The following PER3 variants were observed in gnomAD, a reference collection of about 807,000 sequenced individuals.
PER3 encodes period circadian regulator 3.
PER3 carries 107 observed loss-of-function variants against 127.2 expected under a neutral mutation model. The ratio of observed to expected loss-of-function variants is 0.84; its 90% CI spans 0.72 to 0.99. PER3 has a LOEUF of 0.99. PER3 is among the 50% of genes least tolerant of loss of function. PER3 has a pLI of 0.00. For missense variants in PER3, 1,560 were observed against 1,525.8 expected (o/e 1.02, Z -0.37); for synonymous variants, 618 against 585.8 (o/e 1.05, Z -0.79).
intron 20 of PER3, among the ~76,000 whole-genome samples, chr1:7,836,413 A>G (rs1035995411): frequency 1.3e-5 from 2 of 152,214 alleles, no homozygotes; most frequent in African/African-American, 2.4e-5. Context: ...TCCTGGCCTC[A>G]GGTGATCTGC....
Position 7,824,512 on chromosome 1 carries a change from T to C in PER3, c.1958-1968T>C, listed in dbSNP as rs182112659. Among the ~76,000 whole-genome samples, 45 of 152,298 alleles carry C rather than the reference T, an allele frequency of 3.0e-4. No individual in the cohort carries two copies. In the Middle Eastern group the frequency reaches 0.01, roughly 35 times the overall value. On this transcript the variant is annotated intron_variant, in intron 16 of 21. Transcript: ENST00000377532. ...ATAAACTGTAGACTCAGTTTCTCGG[T>C]GCCTTTTTTCCTTATTATGGGGTTG... is the stretch of plus-strand genomic sequence containing the variant.
intron 16 of PER3, among the ~76,000 whole-genome samples, chr1:7,824,299 G>T (rs530691185): frequency 1.4e-4 from 21 of 152,268 alleles, no homozygotes; most frequent in African/African-American, 4.8e-4. Context: ...ATAGAAAACA[G>T]ACAATAGAGA....
At chr1:7,793,251 A>C (rs2097130030) in intron 5 of PER3, among the ~76,000 whole-genome samples, 1 of 152,242 alleles carries the variant, frequency 6.6e-6, no homozygotes, top group South Asian at 2.1e-4. Context: ...GTCAACAAAC[A>C]CTGGGCAGAA....
intron 13 of PER3, among the ~76,000 whole-genome samples, chr1:7,811,952 G>A (rs2097220902): frequency 6.6e-6 from 1 of 151,936 alleles, no homozygotes; most frequent in Non-Finnish European, 1.5e-5. Flanking sequence ...TTTTTTTATT[G>A]TCCCTTGAAA....
At chr1:7,833,574 G>A (rs2097343107) in intron 19 of PER3, among the ~76,000 whole-genome samples, 1 of 152,076 alleles carries the variant, frequency 6.6e-6, no homozygotes, top group South Asian at 2.1e-4. Flanking sequence ...TTTGGTTAGT[G>A]TTTACATGGT....
chr1:7,810,343 T>G (rs2097213873), intron 12 of PER3, 95 bp from the exon 13 acceptor site: 1 of 929,612 alleles, frequency 1.1e-6, no homozygotes, highest in Non-Finnish European at 1.6e-6. Flanking sequence ...CATTATATCT[T>G]CAAAGAAACA....
At chr1:7,822,249 T>TA (rs1261212797) in intron 16 of PER3, among the ~76,000 whole-genome samples, 7 of 126,964 alleles carry the variant, frequency 5.5e-5, no homozygotes, top group Admixed American at 2.9e-4. Flanking sequence ...ACAAAAAATT[T>TA]AAAAAAAAAT....
intron 10 of PER3, among the ~76,000 whole-genome samples, chr1:7,805,451 C>G (rs1271499216): frequency 1.3e-5 from 2 of 152,176 alleles, no homozygotes; most frequent in Non-Finnish European, 2.9e-5. Flanking sequence ...TTACCTCTTT[C>G]TACTCCAGGG....
intron 7 of PER3, 93 bp from the exon 8 acceptor site, chr1:7,801,020 T>G: frequency 2.6e-6 from 2 of 776,268 alleles, no homozygotes; most frequent in Non-Finnish European, 4.4e-6. Flanking sequence ...TTCATATAGA[T>G]TTTGTTCTCT....
chr1:7,813,233 A>G (rs1401731019), intron 13 of PER3, among the ~76,000 whole-genome samples: 2 of 152,192 alleles, frequency 1.3e-5, no homozygotes, highest in African/African-American at 4.8e-5. Context: ...GGGTGATGGA[A>G]TGTCTGAGTG....
At chr1:7,824,372 G>C (rs945138123) in intron 16 of PER3, among the ~76,000 whole-genome samples, 1 of 152,176 alleles carries the variant, frequency 6.6e-6, no homozygotes, top group Non-Finnish European at 1.5e-5. Flanking sequence ...CCTTATACCA[G>C]TACAGAGTGG....
chr1:7,820,519 G>A lies in PER3; in HGVS notation c.1836G>A (p.Arg612=), dbSNP rs780727208. 6.2e-7 allele frequency: 1 copy of A among 1,614,022 alleles called. No individual in the cohort carries two copies. The highest frequency in any genetic ancestry group is 1.1e-5 in the South Asian group (1 of 91,070). ...AATCAGAAATGCCAACAAATGGACG[G>A]TCCATAGACACAGGAGGAGGAGCTC... is the stretch of plus-strand genomic sequence containing the variant. ...IPKSEMPTNG[R]SIDTGGGAPQ... Residue 612 remains arginine (R), a synonymous_variant, in exon 16 of 22, where the codon CGG becomes CGA. Coordinates refer to ENST00000377532, the MANE Select transcript of PER3 (RefSeq NM_001377275.1).
At chr1:7,823,169 G>A (rs989910978) in intron 16 of PER3, among the ~76,000 whole-genome samples, 2 of 152,190 alleles carry the variant, frequency 1.3e-5, no homozygotes, top group African/African-American at 4.8e-5. Flanking sequence ...ATTCACAAAT[G>A]GATTGAAAGT....
intron 16 of PER3, among the ~76,000 whole-genome samples, chr1:7,825,297 C>T (rs2097296334): frequency 6.6e-6 from 1 of 152,120 alleles, no homozygotes; most frequent in Non-Finnish European, 1.5e-5. Context: ...AAAATAGATA[C>T]AACTATTCTA....
intron 5 of PER3, 62 bp from the exon 6 acceptor site, chr1:7,793,895 A>AT: frequency 7.3e-7 from 1 of 1,368,452 alleles, no homozygotes; most frequent in Non-Finnish European, 1.0e-6. Flanking sequence ...ATGGTGCAAC[A>AT]TTGTTTCACT....
Position 7,808,763 on chromosome 1 carries a change from T to C in PER3, c.1137-130T>C, listed in dbSNP as rs1005412412. ...TACCTTCATGAATAGAATTCTAGCC[T>C]CATATTTTTTCTTTGGAGTCAAAGA... On this transcript the variant is annotated intron_variant, in intron 10 of 21. Transcript: ENST00000377532. The C allele has an allele frequency of 4.9e-5, 32 of 647,982 alleles. No individual in the cohort carries two copies. The East Asian group carries it at 5.3e-4, about 11-fold the overall frequency. The allele number at this position is 647,982 out of a possible 1,614,324, so 40.1% of individuals were successfully genotyped here.
chr1:7,824,256 G>A (rs2097291174), intron 16 of PER3, among the ~76,000 whole-genome samples: 1 of 151,972 alleles, frequency 6.6e-6, no homozygotes, highest in Non-Finnish European at 1.5e-5. Context: ...TAGAATGAAG[G>A]AAATAATAAA....
intron 6 of PER3, among the ~76,000 whole-genome samples, chr1:7,796,705 G>A (rs950190175): frequency 6.6e-6 from 1 of 152,164 alleles, no homozygotes; most frequent in African/African-American, 2.4e-5. Flanking sequence ...AGGGCAGTTA[G>A]AGGCTGTTAC....
intron 21 of PER3, among the ~76,000 whole-genome samples, chr1:7,840,208 G>C (rs1345959943): frequency 6.6e-6 from 1 of 151,642 alleles, no homozygotes; most frequent in Non-Finnish European, 1.5e-5. Context: ...TTTTATTTAT[G>C]GAATTTCTTT....
Sources: gnomAD v4.1 joint callset for allele counts (sites outside exome capture counted in the v4.1 genomes callset) on GRCh38, gnomAD v4.1.1 for gene constraint, MANE v1.5 for transcripts, NCBI Gene and HGNC (gene_info 2026-07-23, HGNC 2026-07-21) for gene names.